MYOCD: variants seen among roughly 807,000 people sequenced by gnomAD.
The protein encoded by MYOCD is myocardin.
Under a neutral mutation model 96.1 loss-of-function variants are expected in MYOCD, and 32 were observed. The observed-to-expected ratio is 0.33, with a 90% CI of 0.25 to 0.45. The LOEUF (loss-of-function observed/expected upper bound fraction) is 0.45, where lower values mean the gene tolerates loss of function less well. MYOCD is among the 20% of genes least tolerant of loss of function. MYOCD has a pLI of 1.00. For missense variants in MYOCD, 1,133 were observed against 1,200.6 expected (o/e 0.94, Z 0.83); for synonymous variants, 469 against 469.0 (o/e 1.00, Z 0.00).
intron 1 of MYOCD, among the ~76,000 whole-genome samples, chr17:12,692,522 G>A (rs2030504745): frequency 6.6e-6 from 1 of 152,158 alleles, no homozygotes; most frequent in Non-Finnish European, 1.5e-5. Flanking sequence ...TGAGGATTAT[G>A]ACGCTTGGCA....
intron 13 of MYOCD, 106 bp downstream of exon 13, chr17:12,760,813 C>T: frequency 1.1e-6 from 1 of 899,132 alleles, no homozygotes; most frequent in East Asian, 2.6e-5. Context: ...GTTGGATGTA[C>T]CAGGTAGTCC....
intron 1 of MYOCD, among the ~76,000 whole-genome samples, chr17:12,688,324 C>A (rs1388124690): frequency 6.6e-6 from 1 of 152,208 alleles, no homozygotes; most frequent in African/African-American, 2.4e-5. Context: ...TGATCCTGGG[C>A]CACTATTTGT....
chr17:12,714,356 CA>C (rs1242572411), intron 2 of MYOCD, among the ~76,000 whole-genome samples: 6 of 151,660 alleles, frequency 4.0e-5, no homozygotes, highest in Non-Finnish European at 8.8e-5. Flanking sequence ...CACACACACA[CA>C]CACACCCCGA....
intron 7 of MYOCD, among the ~76,000 whole-genome samples, chr17:12,743,028 T>C (rs1243881286): frequency 3.3e-5 from 5 of 152,210 alleles, no homozygotes; most frequent in African/African-American, 9.6e-5. Context: ...TTATATTGAT[T>C]AGTGAGAGAA....
chr17:12,755,337 G>A lies in MYOCD; in HGVS notation c.2059-1077G>A, dbSNP rs140498547. Among the ~76,000 whole-genome samples the A allele has an allele frequency of 9.6e-3, 1,465 of 152,240 alleles. 70 individuals are homozygous for A. The highest frequency in any genetic ancestry group is 0.076 in the Admixed American group (1,159 of 15,298). Reference sequence around the variant, plus strand: ...TAAAATGATAAAGAACAGGCCAGGCGCACTGGCTCACACCTGTAATCCTAG... The same window carrying A: ...TAAAATGATAAAGAACAGGCCAGGCACACTGGCTCACACCTGTAATCCTAG... On this transcript the variant is annotated intron_variant, in intron 10 of 13. Coordinates refer to ENST00000425538, the MANE Select transcript of MYOCD (RefSeq NM_001146312.3).
At chr17:12,698,735 T>TTTTC in intron 1 of MYOCD, among the ~76,000 whole-genome samples, 1 of 114,708 alleles carries the variant, frequency 8.7e-6, no homozygotes, top group Admixed American at 1.1e-4. Context: ...CCCTCTTTTT[T>TTTTC]TTTTTTTTTT....
intron 2 of MYOCD, among the ~76,000 whole-genome samples, chr17:12,710,770 T>C (rs922415417): frequency 2.0e-5 from 3 of 152,188 alleles, no homozygotes; most frequent in African/African-American, 2.4e-5. Context: ...TGTCTGCCTC[T>C]TCCCTTCTTT....
chr17:12,745,776 G>T, intron 8 of MYOCD, 143 bp from the exon 9 acceptor site: 3 of 802,702 alleles, frequency 3.7e-6, no homozygotes, highest in Non-Finnish European at 6.1e-6. Flanking sequence ...AGCCGGCAGT[G>T]TTGTTTTTCC....
chr17:12,760,850 T>C, intron 13 of MYOCD, 143 bp downstream of exon 13: 1 of 688,152 alleles, frequency 1.5e-6, no homozygotes, highest in Admixed American at 2.3e-5. Flanking sequence ...CCTTTGAGCT[T>C]CTCGCACATT....
chr17:12,763,690 G>A lies in MYOCD; in HGVS notation c.*46G>A. On this transcript the variant is annotated 3_prime_UTR_variant, in exon 14 of 14. Transcript: ENST00000425538. ...TATGGAAGACCAATGGAGTTCCATG[G>A]GGGAAAGCACACAGCCATACATACT... The A allele has an allele frequency of 1.5e-5, 23 of 1,517,042 alleles. No individual in the cohort carries two copies. Among genetic ancestry groups the A allele is most frequent in the Non-Finnish European group, 2.1e-5 (23 of 1,112,678 alleles). The allele number at this position is 1,517,042 out of a possible 1,614,324, so 94.0% of individuals were successfully genotyped here. A position where few individuals can be genotyped will look rare whatever the true frequency, so the allele number is the denominator to read the frequency against.
rs777863325 is a variant in MYOCD at position 12,736,219 on chromosome 17, C to T, written c.474C>T (p.Ser158=). The change falls in exon 6 of 14, where the codon AGC becomes AGT. Residue 158 remains serine, a synonymous_variant. Transcript: ENST00000425538. The part of the protein sequence containing the change: ...TDAFAFEEDS[S]SDGLSPDQTR... ...CTTTTGCCTTTGAAGAGGACAGCAGCAGCGATGGGCTTTCTCCGGATCAGA... is the reference window on the plus strand; with the variant it reads ...CTTTTGCCTTTGAAGAGGACAGCAGTAGCGATGGGCTTTCTCCGGATCAGA... 6.2e-7 allele frequency: 1 copy of T among 1,614,172 alleles called. No homozygotes were observed. The highest frequency in any genetic ancestry group is 8.5e-7 in the Non-Finnish European group (1 of 1,180,020).
At chr17:12,708,591 C>T (rs748649151) in intron 2 of MYOCD, among the ~76,000 whole-genome samples, 1 of 152,030 alleles carries the variant, frequency 6.6e-6, no homozygotes, top group Non-Finnish European at 1.5e-5. Context: ...ACAGGTTTCA[C>T]CATGTTGGCC....
intron 7 of MYOCD, among the ~76,000 whole-genome samples, chr17:12,742,985 C>T (rs1206983115): frequency 6.6e-6 from 1 of 152,076 alleles, no homozygotes; most frequent in Non-Finnish European, 1.5e-5. Flanking sequence ...CATTGACTAC[C>T]TGTTATTATT....
At chr17:12,757,116 A>T (rs537855056) in intron 11 of MYOCD, among the ~76,000 whole-genome samples, 2 of 152,330 alleles carry the variant, frequency 1.3e-5, no homozygotes, top group East Asian at 3.9e-4. Context: ...ATCCATGGAC[A>T]GGATTGGAGA....
rs772867601 is a variant in MYOCD at position 12,744,350 on chromosome 17, G to C, written c.885G>C (p.Leu295=). The C allele has an allele frequency of 3.1e-6, 5 of 1,614,200 alleles. No individual in the cohort carries two copies. The highest frequency in any genetic ancestry group is 2.7e-5 in the African/African-American group (2 of 75,064). The change falls in exon 8 of 14, where the codon CTG becomes CTC. Residue 295 remains leucine, a synonymous_variant. Coordinates refer to ENST00000425538, the MANE Select transcript of MYOCD (RefSeq NM_001146312.3). ...AYARLLQQQQ[L]FLQLQILSQQ... Reference sequence around the variant, plus strand: ...CTCGGCTGCTCCAGCAACAGCAGCTGTTCCTGCAGCTCCAAATCCTCAGCC... The same window carrying C: ...CTCGGCTGCTCCAGCAACAGCAGCTCTTCCTGCAGCTCCAAATCCTCAGCC...
intron 9 of MYOCD, 52 bp downstream of exon 9, chr17:12,746,124 TG>T: frequency 6.3e-7 from 1 of 1,585,750 alleles, no homozygotes; most frequent in Non-Finnish European, 8.6e-7. Context: ...TACAACAGTA[TG>T]TTGTTAACAT....
chr17:12,668,971 C>A (rs1909524486), intron 1 of MYOCD, among the ~76,000 whole-genome samples: 1 of 151,794 alleles, frequency 6.6e-6, no homozygotes, highest in Admixed American at 6.6e-5. Flanking sequence ...TGTCTTAGAC[C>A]CCTTTGGTAA....
Position 12,763,762 on chromosome 17 carries a change from A to ATGAT in MYOCD, c.*120_*123dup. The ATGAT allele has an allele frequency of 1.1e-6, 1 of 949,130 alleles. No individual in the cohort carries two copies. Among genetic ancestry groups the ATGAT allele is most frequent in the Admixed American group, 3.2e-5 (1 of 31,714 alleles). The allele number at this position is 949,130 out of a possible 1,614,324, so 58.8% of individuals were successfully genotyped here. A position where few individuals can be genotyped will look rare whatever the true frequency, so the allele number is the denominator to read the frequency against. On this transcript the variant is annotated 3_prime_UTR_variant, in exon 14 of 14. Transcript: ENST00000425538. ...AGAAGAAGAGAATTAAAAAGAAGCA[A>ATGAT]TGATTTCTGTGCCAATGAACAAGAA...
At chr17:12,728,105 A>G (rs1383195778) in intron 5 of MYOCD, among the ~76,000 whole-genome samples, 2 of 152,208 alleles carry the variant, frequency 1.3e-5, no homozygotes, top group Non-Finnish European at 2.9e-5. Flanking sequence ...GTTACATGAA[A>G]GCGATGATTC....
Sources: gnomAD v4.1 joint callset for allele counts (sites outside exome capture counted in the v4.1 genomes callset) on GRCh38, gnomAD v4.1.1 for gene constraint, MANE v1.5 for transcripts, NCBI Gene and HGNC (gene_info 2026-07-23, HGNC 2026-07-21) for gene names.